The following MAN1C1 variants were observed in gnomAD, a reference collection of about 807,000 sequenced individuals.
MAN1C1 encodes mannosyl-oligosaccharide 1,2-alpha-mannosidase IC.
Under a neutral mutation model 71.5 loss-of-function variants are expected in MAN1C1, and 49 were observed. That is an observed-to-expected ratio of 0.69 (90% CI 0.54 to 0.87). The LOEUF is 0.87. Among genes scored for constraint, MAN1C1 ranks in the 40% least tolerant of loss-of-function variants. The pLI is 0.00. For missense variants in MAN1C1, 743 were observed against 835.0 expected, an observed-to-expected ratio of 0.89 and a Z score of 1.36; for synonymous variants, 352 against 343.7, an observed-to-expected ratio of 1.02 and a Z score of -0.27.
chr1:25,719,142 G>T (rs2046725264), intron 2 of MAN1C1, among the ~76,000 whole-genome samples: 2 of 149,080 alleles, frequency 1.3e-5, no homozygotes, highest in Admixed American at 6.7e-5. Flanking sequence ...GCGCGATCTT[G>T]GCTGTCTGCA....
At chr1:25,640,482 G>C (rs569796025) in intron 1 of MAN1C1, among the ~76,000 whole-genome samples, 2 of 152,258 alleles carry the variant, frequency 1.3e-5, no homozygotes, top group Admixed American at 1.3e-4. Flanking sequence ...CTCCATGTCT[G>C]TCACATACCT....
At chr1:25,643,852 C>G (rs1049915497) in intron 1 of MAN1C1, among the ~76,000 whole-genome samples, 1 of 152,060 alleles carries the variant, frequency 6.6e-6, no homozygotes, top group African/African-American at 2.4e-5. Flanking sequence ...CATTATTGTC[C>G]TAAAAATTGC....
chr1:25,643,595 A>ATTATTATTTT (rs1557745760), intron 1 of MAN1C1, among the ~76,000 whole-genome samples: 1 of 142,048 alleles, frequency 7.0e-6, no homozygotes, highest in African/African-American at 2.6e-5. Context: ...ATTTATTATT[A>ATTATTATTTT]TTATTATTAT....
At chr1:25,629,321 TGTG>T (rs1020952736) in intron 1 of MAN1C1, among the ~76,000 whole-genome samples, 1 of 152,238 alleles carries the variant, frequency 6.6e-6, no homozygotes, top group Non-Finnish European at 1.5e-5. Context: ...TAATTTGCAT[TGTG>T]GTTTTAATTT....
At chr1:25,647,250 C>G (rs1300148181) in intron 1 of MAN1C1, among the ~76,000 whole-genome samples, 1 of 152,082 alleles carries the variant, frequency 6.6e-6, no homozygotes, top group African/African-American at 2.4e-5. Flanking sequence ...GCTGAGCCCT[C>G]TCCAGTTTTT....
chr1:25,708,638 A>C (rs2046559712), intron 2 of MAN1C1, among the ~76,000 whole-genome samples: 1 of 152,156 alleles, frequency 6.6e-6, no homozygotes, highest in South Asian at 2.1e-4. Flanking sequence ...TAATCCCAGC[A>C]CTTTGGGAGG....
intron 1 of MAN1C1, among the ~76,000 whole-genome samples, chr1:25,659,902 G>T (rs1017472574): frequency 9.2e-5 from 14 of 152,150 alleles, no homozygotes; most frequent in Non-Finnish European, 1.6e-4. Context: ...TTCACCTGTT[G>T]TATCTATGTA....
chr1:25,638,030 A>G (rs1363902240), intron 1 of MAN1C1, among the ~76,000 whole-genome samples: 2 of 151,958 alleles, frequency 1.3e-5, no homozygotes, highest in Non-Finnish European at 2.9e-5. Flanking sequence ...TATTCCATTT[A>G]TATTTAATGT....
chr1:25,629,705 G>A (rs1557739925), intron 1 of MAN1C1, among the ~76,000 whole-genome samples: 1 of 151,290 alleles, frequency 6.6e-6, no homozygotes. Flanking sequence ...ACAGGTGTGA[G>A]CCACTGCACC....
At chr1:25,639,737 TCTTA>T (rs2045512658) in intron 1 of MAN1C1, among the ~76,000 whole-genome samples, 1 of 152,180 alleles carries the variant, frequency 6.6e-6, no homozygotes, top group Non-Finnish European at 1.5e-5. Context: ...ATTTAAAGAT[TCTTA>T]CTTATTTTTT....
intron 2 of MAN1C1, among the ~76,000 whole-genome samples, chr1:25,688,159 G>A (rs2046260720): frequency 6.6e-6 from 1 of 152,202 alleles, no homozygotes; most frequent in African/African-American, 2.4e-5. Flanking sequence ...TCTTGGGATG[G>A]ATTTTTAGAG....
chr1:25,727,669 C>A (rs77917142), intron 2 of MAN1C1, among the ~76,000 whole-genome samples: 1,533 of 152,360 alleles, frequency 0.01, 27 homozygotes, highest in African/African-American at 0.033. Flanking sequence ...TTGCTCAGGC[C>A]TTCCCCACCC....
intron 1 of MAN1C1, among the ~76,000 whole-genome samples, chr1:25,681,064 TA>T (rs1271946611): frequency 9.6e-5 from 14 of 145,880 alleles, no homozygotes; most frequent in South Asian, 2.2e-4. Context: ...CTACTAAAAA[TA>T]AAAAAAAAAT....
chr1:25,640,777 A>T (rs1219050884), intron 1 of MAN1C1, among the ~76,000 whole-genome samples: 6 of 152,184 alleles, frequency 3.9e-5, no homozygotes, highest in Admixed American at 2.0e-4. Context: ...CAGAGGCGGT[A>T]TTGTGTAATA....
intron 7 of MAN1C1, among the ~76,000 whole-genome samples, chr1:25,768,308 A>C (rs1572207750): frequency 1.1e-5 from 1 of 94,522 alleles, no homozygotes; most frequent in Admixed American, 1.2e-4. Flanking sequence ...CGCATTACAC[A>C]CTCCCTTCAC....
At chr1:25,681,486 A>G (rs960368852) in intron 1 of MAN1C1, among the ~76,000 whole-genome samples, 5 of 152,180 alleles carry the variant, frequency 3.3e-5, no homozygotes, top group Non-Finnish European at 5.9e-5. Flanking sequence ...CATAAGCCAC[A>G]TTGTACAAAT....
chr1:25,668,094 T>A (rs1452263440), intron 1 of MAN1C1, among the ~76,000 whole-genome samples: 4 of 152,152 alleles, frequency 2.6e-5, no homozygotes, highest in Admixed American at 6.5e-5. Context: ...AAAGAAAATA[T>A]GTACTTTGGA....
chr1:25,663,594 C>A (rs1018779415), intron 1 of MAN1C1, among the ~76,000 whole-genome samples: 1 of 152,158 alleles, frequency 6.6e-6, no homozygotes, highest in Non-Finnish European at 1.5e-5. Flanking sequence ...CTGTGGGTAA[C>A]TGAAACTGCG....
intron 2 of MAN1C1, among the ~76,000 whole-genome samples, chr1:25,697,391 G>A (rs140448402): frequency 2.0e-4 from 31 of 152,306 alleles, no homozygotes; most frequent in African/African-American, 6.5e-4. Context: ...GTGTTATTTG[G>A]AATTGCCTAG....
Sources: allele counts gnomAD v4.1 joint callset (sites outside exome capture counted in the v4.1 genomes callset), GRCh38; gene constraint gnomAD v4.1.1; transcripts MANE v1.5; gene names NCBI Gene and HGNC (gene_info 2026-07-23, HGNC 2026-07-21).